Variants in MYD88 observed in about 807,000 individuals in gnomAD.
MYD88 encodes the protein MYD88 innate immune signal transduction adaptor.
In MYD88, 15 loss-of-function variants were observed where a neutral mutation model predicts 31.1. The ratio of observed to expected loss-of-function variants is 0.48; its 90% CI spans 0.32 to 0.74. The LOEUF is 0.74. MYD88 is among the 30% of genes least tolerant of loss of function. The pLI is 0.03. For missense variants in MYD88, 308 were observed against 387.4 expected, an observed-to-expected ratio of 0.79 and a Z score of 1.72; for synonymous variants, 157 against 158.8, an observed-to-expected ratio of 0.99 and a Z score of 0.08.
rs894679775 is a variant in MYD88, at chr3:38,142,788, G to A, written c.*1502G>A. ...TACCTTTTCTTAGGATCTTGGGAGG[G>A]AATGGATGCCCCTCTCTGCATGATC... On this transcript the variant is annotated 3_prime_UTR_variant, in exon 5 of 5. Transcript: ENST00000650905. The A allele has an allele frequency of 8.6e-6, 2 of 233,168 alleles. No individual in the cohort carries two copies. Among genetic ancestry groups the A allele is most frequent in the Non-Finnish European group, 1.7e-5 (2 of 118,070 alleles). 14.4% of individuals were successfully genotyped at this position (233,168 alleles called of 1,614,324 possible).
At position 38,142,297 on chromosome 3, in the gene MYD88, G is replaced by C. The variant is rs56271803; in HGVS notation, c.*1011G>C. ...ATGGGCACATACAGACTCACATACA[G>C]ACACACACATATATGTACAGACATG... On this transcript the variant is annotated 3_prime_UTR_variant, in exon 5 of 5. Coordinates refer to ENST00000650905, the MANE Select transcript of MYD88 (RefSeq NM_002468.5). 1,020 of 233,204 alleles carry C rather than the reference G, an allele frequency of 4.4e-3. 9 individuals carry two copies. The highest frequency in any genetic ancestry group is 4.8e-3 in the Non-Finnish European group (566 of 118,060). 14.4% of individuals were successfully genotyped at this position (233,204 alleles called of 1,614,324 possible).
chr3:38,140,893 G>A (rs759632931), intron 4 of MYD88, 45 bp downstream of exon 4: 11 of 1,576,490 alleles, frequency 7.0e-6, no homozygotes, highest in African/African-American at 6.7e-5. Context: ...GAATGTGTAG[G>A]TGGGGCCTCT....
At chr3:38,140,168 G>A (rs1002842616) in intron 2 of MYD88, 170 bp downstream of exon 2, 2 of 967,872 alleles carry the variant, frequency 2.1e-6, no homozygotes, top group Admixed American at 2.0e-5. Context: ...CCTCTGGATT[G>A]CTGTGAGATG....
chr3:38,139,817 G>T lies in MYD88; in HGVS notation c.329-47G>T, dbSNP rs555667172. ...GCTGGATCCTGACTGTGGGTAAAGA[G>T]GTAGGCACTCCCAGGGAGGCTGCTT... On this transcript the variant is annotated intron_variant, in intron 1 of 4. Coordinates refer to ENST00000650905, the MANE Select transcript of MYD88 (RefSeq NM_002468.5). The surrounding 1 kb of genome is among the most constrained non-coding windows in gnomAD (Gnocchi z 4.7). 4.4e-5 allele frequency: 71 copies of T among 1,609,678 alleles called. No homozygotes were observed. In the South Asian group the frequency reaches 7.5e-4, roughly 17 times the overall value.
chr3:38,140,463 G>A lies in MYD88; in HGVS notation c.539G>A (p.Arg180Gln), dbSNP rs780880522. ...ATCCAGTTTGTGCAGGAGATGATCC[G>A]GCAACTGGAACAGACAAACTATCGA... ...SDIQFVQEMI[R>Q]QLEQTNYRLK... The change falls in exon 3 of 5, where the codon CGG becomes CAG. Residue 180 changes from arginine to glutamine, a missense_variant. Arg to Gln is a conservative substitution (Grantham distance 43). Transcript: ENST00000650905. 6.2e-6 allele frequency: 10 copies of A among 1,614,088 alleles called. No individual in the cohort carries two copies. Among genetic ancestry groups the A allele is most frequent in the South Asian group, 3.3e-5 (3 of 91,090 alleles).
chr3:38,139,668 G>A lies in MYD88; in HGVS notation c.329-196G>A. On this transcript the variant is annotated intron_variant, in intron 1 of 4. Transcript: ENST00000650905. This position sits in a 1 kb window ranked among gnomAD's most constrained non-coding sequence, Gnocchi z 4.7. ...CCTTCCAGAAAGCCAGAACACCACT[G>A]ACATCCCTTTGGGTCAGTTAGAGCC... is the stretch of plus-strand genomic sequence containing the variant. The A allele has an allele frequency of 1.5e-6, 1 of 659,874 alleles. No individual in the cohort carries two copies. Among genetic ancestry groups the A allele is most frequent in the Non-Finnish European group, 2.7e-6 (1 of 377,206 alleles). 40.9% of individuals were successfully genotyped at this position (659,874 alleles called of 1,614,324 possible).
intron 4 of MYD88, 37 bp downstream of exon 4, chr3:38,140,885 A>G: frequency 6.3e-7 from 1 of 1,588,186 alleles, no homozygotes; most frequent in South Asian, 1.1e-5. Flanking sequence ...GAATGAGGGA[A>G]TGTGTAGGTG....
rs587778544 is a variant in MYD88, at chr3:38,138,692, C to G, written c.-9C>G. 68 of 1,596,502 alleles carry G rather than the reference C, an allele frequency of 4.3e-5. No individual in the cohort carries two copies. The Middle Eastern group carries it at 6.8e-4, about 16-fold the overall frequency. ...ACCCGACCGCGCTGAGGCTCCAGGA[C>G]CGCCCGCCATGGCTGCAGGAGGTCC... is the stretch of plus-strand genomic sequence containing the variant. On this transcript the variant is annotated 5_prime_UTR_variant, in exon 1 of 5. Transcript: ENST00000650905. The surrounding 1 kb of genome is among the most constrained non-coding windows in gnomAD (Gnocchi z 6.4).
chr3:38,142,739 A>C lies in MYD88; in HGVS notation c.*1453A>C, dbSNP rs140908601. The C allele has an allele frequency of 4.3e-6, 1 of 233,200 alleles. No homozygotes were observed. The highest frequency in any genetic ancestry group is 6.0e-5 in the East Asian group (1 of 16,572). 14.4% of individuals were successfully genotyped at this position (233,200 alleles called of 1,614,324 possible). On this transcript the variant is annotated 3_prime_UTR_variant, in exon 5 of 5. Transcript: ENST00000650905. ...AATAGAAAATGCATATCTTTGCTCC[A>C]CTTTCAGCCAGGCTGGAGCAAGGTA...
At position 38,138,686 on chromosome 3, in the gene MYD88, C is replaced by G; in HGVS notation, c.-15C>G. 1 of 1,592,486 alleles carries G rather than the reference C, an allele frequency of 6.3e-7. No homozygotes were observed. Among genetic ancestry groups the G allele is most frequent in the Non-Finnish European group, 8.6e-7 (1 of 1,167,168 alleles). On this transcript the variant is annotated 5_prime_UTR_variant, in exon 1 of 5. Coordinates refer to ENST00000650905, the MANE Select transcript of MYD88 (RefSeq NM_002468.5). This position sits in a 1 kb window ranked among gnomAD's most constrained non-coding sequence, Gnocchi z 6.4. The stretch of plus-strand genomic sequence containing the variant: ...AATGCGACCCGACCGCGCTGAGGCT[C>G]CAGGACCGCCCGCCATGGCTGCAGG...
chr3:38,141,041 G>T, intron 4 of MYD88, 91 bp from the exon 5 acceptor site: 4 of 1,564,958 alleles, frequency 2.6e-6, no homozygotes, highest in Non-Finnish European at 3.5e-6. Context: ...TTAGATGGGG[G>T]ATGGCTGTTG....
rs948079022 is a variant in MYD88 at position 38,138,832 on chromosome 3, G to A, written c.132G>A (p.Ala44=). Residue 44 remains alanine (A), a synonymous_variant, in exon 1 of 5, where the codon GCG becomes GCA. Transcript: ENST00000650905. The surrounding 1 kb of genome is among the most constrained non-coding windows in gnomAD (Gnocchi z 6.4). The part of the protein sequence containing the change: ...SLFLNVRTQV[A]ADWTALAEEM... ...TCTTGAACGTGCGGACACAGGTGGC[G>A]GCCGACTGGACCGCGCTGGCGGAGG... 1.2e-6 allele frequency: 2 copies of A among 1,613,778 alleles called. No individual in the cohort carries two copies. The highest frequency in any genetic ancestry group is 8.5e-7 in the Non-Finnish European group (1 of 1,180,008).
At position 38,140,392 on chromosome 3, in the gene MYD88, T is replaced by C; in HGVS notation, c.468T>C (p.His156=). Residue 156 remains histidine, a synonymous_variant, in exon 3 of 5, where the codon CAT becomes CAC. Coordinates refer to ENST00000650905, the MANE Select transcript of MYD88 (RefSeq NM_002468.5). ...GITTLDDPLG[H]MPERFDAFIC... The stretch of plus-strand genomic sequence containing the variant: ...ACCCTTGTGCTCTGCACCCAGGGCA[T>C]ATGCCTGAGCGTTTCGATGCCTTCA... The C allele has an allele frequency of 6.2e-7, 1 of 1,614,194 alleles. No individual in the cohort carries two copies. The highest frequency in any genetic ancestry group is 8.5e-7 in the Non-Finnish European group (1 of 1,180,024).
rs377443319 is a variant in MYD88 at position 38,140,585 on chromosome 3, C to T, written c.644+17C>T. ...CGAAAAGAGGTTGGCTAGAAGGCCA[C>T]GGGGTGGGTGCGTGGATGCATGAAG... On this transcript the variant is annotated intron_variant, in intron 3 of 4. Coordinates refer to ENST00000650905, the MANE Select transcript of MYD88 (RefSeq NM_002468.5). The T allele has an allele frequency of 2.4e-5, 39 of 1,614,088 alleles. No homozygotes were observed. The highest frequency in any genetic ancestry group is 7.7e-5 in the South Asian group (7 of 91,084).
intron 4 of MYD88, 62 bp downstream of exon 4, chr3:38,140,910 T>C (rs1701064425): frequency 5.9e-6 from 9 of 1,527,818 alleles, no homozygotes; most frequent in African/African-American, 2.7e-5. Context: ...CTCTGGATTG[T>C]CAGCCTTCCC....
At chr3:38,140,087 G>T (rs1401747730) in intron 2 of MYD88, 89 bp downstream of exon 2, 18 of 1,520,686 alleles carry the variant, frequency 1.2e-5, no homozygotes, top group Non-Finnish European at 1.5e-5. Flanking sequence ...TGGGCTGTGA[G>T]ACCTTGGGCA....
rs971909471 is a variant in MYD88 at position 38,141,508 on chromosome 3, C to G, written c.*222C>G. 8 of 653,608 alleles carry G rather than the reference C, an allele frequency of 1.2e-5. No individual in the cohort carries two copies. Among genetic ancestry groups the G allele is most frequent in the Non-Finnish European group, 1.9e-5 (7 of 365,128 alleles). 40.5% of individuals were successfully genotyped at this position (653,608 alleles called of 1,614,324 possible). ...GCATGTCCACTTGCTGGATTATCAG[C>G]CAGGACACTATAGAACAGGACCAGC... On this transcript the variant is annotated 3_prime_UTR_variant, in exon 5 of 5. Coordinates refer to ENST00000650905, the MANE Select transcript of MYD88 (RefSeq NM_002468.5).
In MYD88 at chr3:38,140,903, T is replaced by C. The variant is rs866970788; in HGVS notation, c.736+55T>C. On this transcript the variant is annotated intron_variant, in intron 4 of 4. Coordinates refer to ENST00000650905, the MANE Select transcript of MYD88 (RefSeq NM_002468.5). ...TGAGGGAATGTGTAGGTGGGGCCTC[T>C]GGATTGTCAGCCTTCCCTCCCCAAG... 35 of 1,554,188 alleles carry C rather than the reference T, an allele frequency of 2.3e-5. 1 individual carries two copies. Among genetic ancestry groups the C allele is most frequent in the Middle Eastern group, 3.4e-4 (2 of 5,946 alleles).
Position 38,142,828 on chromosome 3 carries a change from A to G in MYD88, c.*1542A>G, listed in dbSNP as rs1371784940. On this transcript the variant is annotated 3_prime_UTR_variant, in exon 5 of 5. Transcript: ENST00000650905. ...TCTGCATGATCTTGTTGAGGCATTT[A>G]GCTGCCATGCACCTGTCCCCCTTTA... 4.3e-6 allele frequency: 1 copy of G among 233,258 alleles called. No individual in the cohort carries two copies. 14.4% of individuals were successfully genotyped at this position (233,258 alleles called of 1,614,324 possible).
Sources: allele counts gnomAD v4.1 joint callset, GRCh38; gene constraint gnomAD v4.1.1; non-coding constraint Gnocchi (gnomAD v3.1); transcripts MANE v1.5; gene names NCBI Gene and HGNC (gene_info 2026-07-23, HGNC 2026-07-21).